Variants in SLC24A3 observed in about 807,000 individuals in gnomAD.
The protein encoded by SLC24A3 is sodium/potassium/calcium exchanger 3.
In SLC24A3, 28 loss-of-function variants were observed where a neutral mutation model predicts 75.8. The ratio of observed to expected loss-of-function variants is 0.37; its 90% confidence interval spans 0.27 to 0.51. The LOEUF (loss-of-function observed/expected upper bound fraction) is 0.51, where lower values mean the gene tolerates loss of function less well. Among genes scored for constraint, SLC24A3 ranks in the 20% least tolerant of loss-of-function variants. The pLI is 0.94. For missense variants in SLC24A3, 663 were observed against 847.8 expected (o/e 0.78, Z 2.71); for synonymous variants, 372 against 334.1 (o/e 1.11, Z -1.24).
chr20:19,264,717 A>C (rs1473410802), intron 1 of SLC24A3, among the ~76,000 whole-genome samples: 1 of 135,048 alleles, frequency 7.4e-6, no homozygotes, highest in East Asian at 2.6e-4. Flanking sequence ...CGACAGAGCG[A>C]GACTCCATCT....
intron 4 of SLC24A3, among the ~76,000 whole-genome samples, chr20:19,581,923 C>T (rs1210911219): frequency 1.3e-5 from 2 of 152,320 alleles, no homozygotes; most frequent in Middle Eastern, 3.4e-3. Context: ...ACCACATTTT[C>T]CTGGGCTCTC....
At chr20:19,622,381 T>C (rs1053233690) in intron 6 of SLC24A3, among the ~76,000 whole-genome samples, 6 of 152,144 alleles carry the variant, frequency 3.9e-5, no homozygotes, top group African/African-American at 1.2e-4. Context: ...ATTTCTAGAG[T>C]ATCCTTTAGT....
chr20:19,491,845 C>G (rs1241578044), intron 2 of SLC24A3, among the ~76,000 whole-genome samples: 4 of 152,184 alleles, frequency 2.6e-5, no homozygotes, highest in Non-Finnish European at 5.9e-5. Context: ...TGTGAATTCT[C>G]CCTCCAGGAT....
chr20:19,226,510 C>G (rs766040067), intron 1 of SLC24A3, among the ~76,000 whole-genome samples: 6 of 152,154 alleles, frequency 3.9e-5, no homozygotes, highest in Non-Finnish European at 5.9e-5. Context: ...TTTAACTTAT[C>G]ATGGGCATCC....
chr20:19,485,010 G>A (rs959043910), intron 2 of SLC24A3, among the ~76,000 whole-genome samples: 2 of 152,168 alleles, frequency 1.3e-5, no homozygotes, highest in African/African-American at 2.4e-5. Flanking sequence ...GGATCAAAAA[G>A]CTACATAATT....
chr20:19,618,853 C>T (rs572700584), intron 6 of SLC24A3, among the ~76,000 whole-genome samples: 2 of 152,168 alleles, frequency 1.3e-5, no homozygotes, highest in African/African-American at 2.4e-5. Flanking sequence ...TCCATGGGAT[C>T]GAGGCATGCC....
intron 6 of SLC24A3, among the ~76,000 whole-genome samples, chr20:19,646,263 T>C (rs2032135793): frequency 6.6e-6 from 1 of 152,182 alleles, no homozygotes; most frequent in Non-Finnish European, 1.5e-5. Context: ...CAAACAAAAA[T>C]ACAGTATATC....
At chr20:19,492,235 G>A (rs563478473) in intron 2 of SLC24A3, among the ~76,000 whole-genome samples, 204 of 152,268 alleles carry the variant, frequency 1.3e-3, no homozygotes, top group African/African-American at 4.7e-3. Context: ...TTGCTTTAGA[G>A]TACTCAGGAC....
chr20:19,580,716 G>A (rs938702171), intron 4 of SLC24A3, among the ~76,000 whole-genome samples: 1 of 152,090 alleles, frequency 6.6e-6, no homozygotes. Context: ...CTGTCTGTTT[G>A]GAAATGTAGC....
chr20:19,660,918 C>T (rs1444178613), intron 7 of SLC24A3, among the ~76,000 whole-genome samples: 2 of 151,954 alleles, frequency 1.3e-5, no homozygotes, highest in South Asian at 2.1e-4. Context: ...TTACAAAGGT[C>T]GCCTGTTTTG....
At chr20:19,624,660 A>C (rs1166910963) in intron 6 of SLC24A3, among the ~76,000 whole-genome samples, 1 of 152,200 alleles carries the variant, frequency 6.6e-6, no homozygotes, top group Non-Finnish European at 1.5e-5. Flanking sequence ...AGCATGCTCA[A>C]AATCAAGGGG....
At position 19,685,298 on chromosome 20, in the gene SLC24A3, G is replaced by T. The variant is rs1323780861; in HGVS notation, c.1261G>T (p.Asp421Tyr). Residue 421 changes from aspartate to tyrosine, a missense_variant, in exon 12 of 17, where the codon GAT becomes TAT. Asp to Tyr is a radical substitution (Grantham distance 160). Around this residue, in one of 2 missense-constraint regions of SLC24A3, gnomAD observed 510 missense variants for 703.6 expected, o/e 0.72. Transcript: ENST00000328041. Reference protein sequence around the residue: ...TENENEDNENDEEEEEDEDDD... With the variant: ...TENENEDNENYEEEEEDEDDD... ...GAATGAAAATGAGGACAATGAGAAT[G>T]ATGAGGAGGAAGAGGAGGACGAGGA... 2.5e-6 allele frequency: 4 copies of T among 1,614,006 alleles called. No individual in the cohort carries two copies. The Admixed American group carries it at 5.0e-5, about 20-fold the overall frequency.
intron 10 of SLC24A3, among the ~76,000 whole-genome samples, chr20:19,683,046 G>T (rs1344883363): frequency 6.6e-6 from 1 of 152,008 alleles, no homozygotes; most frequent in Non-Finnish European, 1.5e-5. Flanking sequence ...GAAAAAAAAA[G>T]AAATTAGAAA....
intron 2 of SLC24A3, among the ~76,000 whole-genome samples, chr20:19,477,827 T>C (rs559426610): frequency 7.2e-5 from 11 of 152,346 alleles, no homozygotes; most frequent in Non-Finnish European, 1.5e-4. Flanking sequence ...CCCTGTGTGA[T>C]ACAAAACCAT....
At chr20:19,422,126 C>T (rs1986927973) in intron 2 of SLC24A3, among the ~76,000 whole-genome samples, 1 of 151,976 alleles carries the variant, frequency 6.6e-6, no homozygotes, top group Admixed American at 6.6e-5. Flanking sequence ...GTTCTCTGGC[C>T]AGAGAACACA....
intron 1 of SLC24A3, among the ~76,000 whole-genome samples, chr20:19,259,997 CCT>C (rs1315694766): frequency 2.6e-5 from 4 of 152,100 alleles, no homozygotes; most frequent in Non-Finnish European, 2.9e-5. Flanking sequence ...ATCCGTATGC[CCT>C]GAGATTAAGG....
rs114704462 is a variant in SLC24A3, at chr20:19,240,149, C to T, written c.142+27165C>T. Among the ~76,000 whole-genome samples the T allele has an allele frequency of 2.8e-3, 426 of 152,090 alleles. 2 individuals carry two copies. Among genetic ancestry groups the T allele is most frequent in the African/African-American group, 9.7e-3 (401 of 41,498 alleles). On this transcript the variant is annotated intron_variant, in intron 1 of 16. Transcript: ENST00000328041. ...TAAAGCATTCATTTTTTCGTTTTCC[C>T]ACTGAAAATCATCATAGACCCACAT... is the stretch of plus-strand genomic sequence containing the variant.
At chr20:19,427,879 G>A (rs1987037998) in intron 2 of SLC24A3, among the ~76,000 whole-genome samples, 1 of 152,244 alleles carries the variant, frequency 6.6e-6, no homozygotes, top group Admixed American at 6.5e-5. Flanking sequence ...GTTTCGCTCT[G>A]TGTATTCATG....
At chr20:19,392,036 G>A (rs997254079) in intron 2 of SLC24A3, among the ~76,000 whole-genome samples, 1 of 152,186 alleles carries the variant, frequency 6.6e-6, no homozygotes, top group African/African-American at 2.4e-5. Context: ...CATGAGACCA[G>A]TGATAGAGTC....
Sources: allele counts gnomAD v4.1 joint callset (sites outside exome capture counted in the v4.1 genomes callset), GRCh38; gene constraint gnomAD v4.1.1; regional missense constraint gnomAD v4.1.1; transcripts MANE v1.5; gene names NCBI Gene and HGNC (gene_info 2026-07-23, HGNC 2026-07-21).